UNC80: variants seen among roughly 807,000 people sequenced by gnomAD.
The protein encoded by UNC80 is unc-80 subunit of NALCN channel complex.
In UNC80, 164 loss-of-function variants were observed where a neutral mutation model predicts 384.6. The observed-to-expected ratio is 0.43, with a 90% CI of 0.38 to 0.49. UNC80 has a LOEUF of 0.49. Among genes scored for constraint, UNC80 ranks in the 20% least tolerant of loss-of-function variants. UNC80 has a pLI of 0.00. For synonymous variants in UNC80, 1,486 were observed against 1,527.8 expected (o/e 0.97, Z 0.64); for missense variants, 3,330 against 4,143.0 (o/e 0.80, Z 5.39).
intron 23 of UNC80, among the ~76,000 whole-genome samples, chr2:209,873,881 G>A (rs2084530172): frequency 6.6e-6 from 1 of 152,098 alleles, no homozygotes; most frequent in South Asian, 2.1e-4. Context: ...TAGTATGTGT[G>A]CAGTCTTTCT....
At chr2:209,980,253 C>A (rs1394017545) in intron 59 of UNC80, among the ~76,000 whole-genome samples, 1 of 152,064 alleles carries the variant, frequency 6.6e-6, no homozygotes, top group Non-Finnish European at 1.5e-5. Flanking sequence ...GTAGCCTCTC[C>A]CAGCAATTCT....
chr2:209,872,989 T>C lies in UNC80; in HGVS notation c.3840+19T>C, dbSNP rs1257498077. On this transcript the variant is annotated intron_variant, in intron 23 of 64. Transcript: ENST00000673920. The surrounding 1 kb of genome is among the most constrained non-coding windows in gnomAD (Gnocchi z 4.1). The stretch of plus-strand genomic sequence containing the variant: ...GGGAGACGTGAGCTTTCGGTTTTCT[T>C]CTATAACAATTAGGTTGCTTAAGTG... 51 of 1,549,478 alleles carry C rather than the reference T, an allele frequency of 3.3e-5. No individual in the cohort carries two copies. Among genetic ancestry groups the C allele is most frequent in the Non-Finnish European group, 3.9e-5 (45 of 1,145,150 alleles).
intron 32 of UNC80, 106 bp from the exon 33 acceptor site, chr2:209,918,426 A>G (rs2089740692): frequency 7.7e-7 from 1 of 1,292,948 alleles, no homozygotes; most frequent in Admixed American, 2.4e-5. Flanking sequence ...GTGTGAAGTC[A>G]CTTGGATGAT....
intron 7 of UNC80, among the ~76,000 whole-genome samples, chr2:209,809,938 C>G (rs995522546): frequency 3.9e-5 from 6 of 152,132 alleles, no homozygotes; most frequent in Non-Finnish European, 7.3e-5. Context: ...AGCTACAGGA[C>G]AAGAGCTGAC....
chr2:209,776,606 A>C (rs1324722417), intron 3 of UNC80, among the ~76,000 whole-genome samples: 5 of 152,162 alleles, frequency 3.3e-5, no homozygotes, highest in African/African-American at 1.2e-4. Context: ...AAAACAACAC[A>C]AAAAAATTAA....
intron 58 of UNC80, 42 bp downstream of exon 58, chr2:209,977,120 G>C: frequency 2.1e-6 from 3 of 1,445,528 alleles, no homozygotes; most frequent in Non-Finnish European, 2.8e-6. Flanking sequence ...TTGACTAATG[G>C]AACTCACAGC....
At chr2:209,893,901 G>A (rs928192117) in intron 26 of UNC80, among the ~76,000 whole-genome samples, 7 of 152,116 alleles carry the variant, frequency 4.6e-5, no homozygotes, top group African/African-American at 1.7e-4. Flanking sequence ...TGCCCCAAAA[G>A]CACACTCATG....
intron 11 of UNC80, 58 bp downstream of exon 11, chr2:209,818,010 C>T: frequency 6.5e-7 from 1 of 1,526,846 alleles, no homozygotes; most frequent in Non-Finnish European, 8.8e-7. Context: ...TGTTTTCTGT[C>T]CTTACACCAT....
chr2:209,982,588 A>C, intron 60 of UNC80: 2 of 285,974 alleles, frequency 7.0e-6, no homozygotes, highest in Non-Finnish European at 1.3e-5. Flanking sequence ...CTGTTGTCAA[A>C]TGGCATTCTT....
chr2:209,907,291 C>CAAAAAAA (rs35210647), intron 29 of UNC80, among the ~76,000 whole-genome samples: 4 of 68,644 alleles, frequency 5.8e-5, no homozygotes, highest in Admixed American at 1.7e-4. Context: ...CAATAATGGG[C>CAAAAAAA]AAAAAAAAAA....
In UNC80 at chr2:209,872,893, C is replaced by T. The variant is rs207462821; in HGVS notation, c.3763C>T (p.Arg1255Cys). Reference sequence around the variant, plus strand: ...CACCAAGAAAGGACTTTCCCGGGGACGCTCTCCCATTGTGGGCAACAAGCG... The same window carrying T: ...CACCAAGAAAGGACTTTCCCGGGGATGCTCTCCCATTGTGGGCAACAAGCG... ...NITKKGLSRG[R>C]SPIVGNKRNQ... Residue 1255 changes from arginine to cysteine, a missense_variant, in exon 23 of 65, where the codon CGC (arginine) becomes TGC (cysteine). Transcript: ENST00000673920. The surrounding 1 kb of genome is among the most constrained non-coding windows in gnomAD (Gnocchi z 4.1). 10 of 1,551,338 alleles carry T rather than the reference C, an allele frequency of 6.4e-6. No homozygotes were observed. The highest frequency in any genetic ancestry group is 3.6e-5 in the South Asian group (3 of 84,048).
At chr2:209,871,972 TA>T (rs376722294) in intron 22 of UNC80, among the ~76,000 whole-genome samples, 1,694 of 144,078 alleles carry the variant, frequency 0.012, 9 homozygotes, top group Admixed American at 0.024. Context: ...TATGACAAAA[TA>T]AAAAAAAAAA....
At chr2:209,773,163 A>G (rs1475236714) in intron 2 of UNC80, 21 bp downstream of exon 2, 2 of 1,607,184 alleles carry the variant, frequency 1.2e-6, no homozygotes, top group Admixed American at 3.3e-5. Context: ...TTCACCATTT[A>G]ATAATTATTT....
rs377547361 is a variant in UNC80 at position 209,997,555 on chromosome 2, A to C, written c.*1960A>C. The stretch of plus-strand genomic sequence containing the variant: ...AGTCAAAGAAGATTGTTAAATATTC[A>C]ACAAGAATCATAAATACCTTTATAT... On this transcript the variant is annotated 3_prime_UTR_variant, in exon 65 of 65. Transcript: ENST00000673920. 3.9e-5 allele frequency: 6 copies of C among 152,374 alleles called. No homozygotes were observed. The highest frequency in any genetic ancestry group is 1.4e-4 in the African/African-American group (6 of 41,596). The allele number at this position is 152,374 out of a possible 1,614,324, so 9.4% of individuals were successfully genotyped here.
Position 209,920,088 on chromosome 2 carries a change from G to A in UNC80, c.5344-1412G>A, listed in dbSNP as rs578110074. ...GCAGGCTGAGACAGGAGAATCACTT[G>A]AACCCAGGAGGTGGAGGTTGCAATG... is the stretch of plus-strand genomic sequence containing the variant. On this transcript the variant is annotated intron_variant, in intron 33 of 64. Transcript: ENST00000673920. 2.0e-5 allele frequency among the ~76,000 whole-genome samples: 3 copies of A among 152,248 alleles called. No individual in the cohort carries two copies. In the East Asian group the frequency reaches 5.8e-4, roughly 29 times the overall value.
chr2:209,788,276 C>A (rs1488026659), intron 5 of UNC80, among the ~76,000 whole-genome samples: 1 of 151,948 alleles, frequency 6.6e-6, no homozygotes, highest in Non-Finnish European at 1.5e-5. Flanking sequence ...ATTAGCTGGG[C>A]TTGGTAGCGC....
rs570863704 is a variant in UNC80 at position 209,855,203 on chromosome 2, C to A, written c.3627+5580C>A. ...AGCAAACTAATGCAGGAACAGAAAA[C>A]CAAACACCACATGTTCTCACTTATA... On this transcript the variant is annotated intron_variant, in intron 22 of 64. Coordinates refer to ENST00000673920, the MANE Select transcript of UNC80 (RefSeq NM_001371986.1). Among the ~76,000 whole-genome samples the A allele has an allele frequency of 2.6e-5, 4 of 152,240 alleles. No homozygotes were observed. The South Asian group carries it at 6.2e-4, about 24-fold the overall frequency.
rs190893243 is a variant in UNC80, at chr2:209,925,676, G to A, written c.5663-1167G>A. Among the ~76,000 whole-genome samples, 56 of 152,198 alleles carry A rather than the reference G, an allele frequency of 3.7e-4. 1 individual carries two copies. In the South Asian group the frequency reaches 0.011, roughly 30 times the overall value. On this transcript the variant is annotated intron_variant, in intron 35 of 64. Coordinates refer to ENST00000673920, the MANE Select transcript of UNC80 (RefSeq NM_001371986.1). ...TTTAGCTAGACACAGAGCACTGACT[G>A]GTGCGATTTTACAGAGTGCTGGTTG...
chr2:209,817,080 G>T lies in UNC80; in HGVS notation c.1507G>T (p.Asp503Tyr). Residue 503 changes from aspartate (D) to tyrosine (Y), a missense_variant, in exon 10 of 65, where the codon GAC (aspartate) becomes TAC (tyrosine). Physicochemically the swap from Asp to Tyr is radical, Grantham distance 160 (BLOSUM62 -3). This residue lies in a region of UNC80 where 937 missense variants were observed against 1,026.8 expected (regional missense o/e 0.91). Coordinates refer to ENST00000673920, the MANE Select transcript of UNC80 (RefSeq NM_001371986.1). ...TGGAAGTTTCTCTGGGCTGGGAGAA[G>T]ACAGGCGAGGAATTGAGAAAGGAGG... ...SFGSFSGLGEDRRGIEKGGWQ... is the reference protein window; with the variant it reads ...SFGSFSGLGEYRRGIEKGGWQ... 6.4e-7 allele frequency: 1 copy of T among 1,551,764 alleles called. No homozygotes were observed. The highest frequency in any genetic ancestry group is 8.7e-7 in the Non-Finnish European group (1 of 1,147,032).
Sources: gnomAD v4.1 joint callset for allele counts (sites outside exome capture counted in the v4.1 genomes callset) on GRCh38, gnomAD v4.1.1 for gene constraint, gnomAD v4.1.1 regional missense constraint, Gnocchi (gnomAD v3.1) non-coding constraint, MANE v1.5 for transcripts, NCBI Gene and HGNC (gene_info 2026-07-23, HGNC 2026-07-21) for gene names.